The following JAM2 variants were observed in gnomAD, a reference collection of about 807,000 sequenced individuals.
JAM2 encodes the protein junctional adhesion molecule 2, also known as junctional adhesion molecule B.
In JAM2, 17 loss-of-function variants were observed where a neutral mutation model predicts 42.0. The observed-to-expected ratio is 0.40, with a 90% CI of 0.28 to 0.61. The LOEUF (loss-of-function observed/expected upper bound fraction) is 0.61, where lower values mean the gene tolerates loss of function less well. JAM2 is among the 20% of genes least tolerant of loss of function. The probability of loss-of-function intolerance (pLI) is 0.37; values close to 1 mark genes in which losing one functional copy is unlikely to be tolerated. For synonymous variants in JAM2, 118 were observed against 128.6 expected, an observed-to-expected ratio of 0.92 and a Z score of 0.56; for missense variants, 319 against 358.3, an observed-to-expected ratio of 0.89 and a Z score of 0.89.
At chr21:25,693,669 G>T in intron 3 of JAM2, 87 bp from the exon 4 acceptor site, 2 of 1,036,162 alleles carry the variant, frequency 1.9e-6, no homozygotes, top group South Asian at 1.6e-5. Flanking sequence ...TAAATGCTTT[G>T]GTTACTAAAT....
At chr21:25,698,644 A>C (rs776522886) in intron 4 of JAM2, 33 bp from the exon 5 acceptor site, 14 of 1,565,464 alleles carry the variant, frequency 8.9e-6, no homozygotes, top group South Asian at 2.3e-5. Flanking sequence ...TTAGCTTATA[A>C]ATAATCAATA....
intron 1 of JAM2, among the ~76,000 whole-genome samples, chr21:25,648,450 T>TTGTGTGTGTGTGTG (rs61479815): frequency 5.4e-5 from 8 of 148,384 alleles, no homozygotes; most frequent in East Asian, 2.0e-4. Flanking sequence ...TGCCGTGTGT[T>TTGTGTGTGTGTGTG]TGTGTGTGTG....
intron 9 of JAM2, chr21:25,714,133 C>T (rs987851098): frequency 5.2e-5 from 67 of 1,282,890 alleles, no homozygotes; most frequent in Non-Finnish European, 6.3e-5. Flanking sequence ...TACCTCTTTA[C>T]TCTCTAGGCA....
At chr21:25,680,460 T>C (rs76224425) in intron 1 of JAM2, among the ~76,000 whole-genome samples, 2,356 of 152,294 alleles carry the variant, frequency 0.015, 67 homozygotes, top group African/African-American at 0.053. Flanking sequence ...GGGTGCATCA[T>C]GGGCAGCACC....
intron 1 of JAM2, 36 bp downstream of exon 1, chr21:25,639,924 G>A (rs2032380851): frequency 1.4e-6 from 2 of 1,465,252 alleles, no homozygotes; most frequent in Non-Finnish European, 9.4e-7. Flanking sequence ...TTCCTGCCTG[G>A]ACCAGCCTGC....
At chr21:25,681,279 A>G (rs114352478) in intron 1 of JAM2, among the ~76,000 whole-genome samples, 3,279 of 152,316 alleles carry the variant, frequency 0.022, 120 homozygotes, top group African/African-American at 0.075. Flanking sequence ...TAATAAAGAC[A>G]TACCCGAGAC....
chr21:25,640,972 A>G (rs967069453), intron 1 of JAM2, among the ~76,000 whole-genome samples: 1 of 152,224 alleles, frequency 6.6e-6, no homozygotes, highest in African/African-American at 2.4e-5. Flanking sequence ...CTCGCTGCCC[A>G]AGTGATCATC....
At position 25,717,377 on chromosome 21, in the gene JAM2, A is replaced by G; in HGVS notation, c.*2705A>G. On this transcript the variant is annotated 3_prime_UTR_variant, in exon 10 of 10. Transcript: ENST00000480456. ...TGTGTTGTGTAAAGATTAGGGCTTT[A>G]AAATCTTATTAGCAAGCTTTGTTTT... 3.9e-6 allele frequency: 1 copy of G among 256,600 alleles called. No individual in the cohort carries two copies. Among genetic ancestry groups the G allele is most frequent in the Non-Finnish European group, 7.3e-6 (1 of 137,054 alleles). 15.9% of individuals were successfully genotyped at this position (256,600 alleles called of 1,614,324 possible).
chr21:25,673,314 A>G (rs1018602676), intron 1 of JAM2, among the ~76,000 whole-genome samples: 2 of 152,190 alleles, frequency 1.3e-5, no homozygotes, highest in African/African-American at 4.8e-5. Context: ...TGTGCAATGG[A>G]ATGCCCTGGA....
chr21:25,639,725 C>T lies in JAM2; in HGVS notation c.-97C>T, dbSNP rs1244990649. The T allele has an allele frequency of 4.0e-6, 3 of 744,102 alleles. No homozygotes were observed. Among genetic ancestry groups the T allele is most frequent in the Non-Finnish European group, 6.6e-6 (3 of 455,116 alleles). 46.1% of individuals were successfully genotyped at this position (744,102 alleles called of 1,614,324 possible). On this transcript the variant is annotated 5_prime_UTR_variant, in exon 1 of 10. Transcript: ENST00000480456. ...TTCCTCCCCTCCCGACTCTCTGCTC[C>T]TTTCCCGCCCCAGAAGTTCAAGGGC...
chr21:25,697,990 C>G (rs889493811), intron 4 of JAM2, among the ~76,000 whole-genome samples: 3 of 151,122 alleles, frequency 2.0e-5, no homozygotes, highest in Non-Finnish European at 4.4e-5. Flanking sequence ...CACATTCTCT[C>G]TCTCTCTCCC....
chr21:25,642,996 A>G (rs572749283), intron 1 of JAM2, among the ~76,000 whole-genome samples: 2 of 152,332 alleles, frequency 1.3e-5, no homozygotes, highest in South Asian at 4.1e-4. Context: ...GGAAGAAGCA[A>G]GGCAGCTCTG....
At chr21:25,704,190 C>G (rs897972276) in intron 6 of JAM2, among the ~76,000 whole-genome samples, 1 of 151,982 alleles carries the variant, frequency 6.6e-6, no homozygotes, top group Admixed American at 6.5e-5. Flanking sequence ...TTTGACTTTG[C>G]CTAAGATTAT....
chr21:25,665,552 T>G (rs2033196832), intron 1 of JAM2, among the ~76,000 whole-genome samples: 1 of 152,124 alleles, frequency 6.6e-6, no homozygotes. Context: ...TTTTAAGGAA[T>G]TGGTTCATGT....
intron 3 of JAM2, among the ~76,000 whole-genome samples, chr21:25,693,168 C>T (rs1348883215): frequency 1.3e-5 from 2 of 151,980 alleles, no homozygotes; most frequent in African/African-American, 4.8e-5. Flanking sequence ...TGAACATAGG[C>T]ATTACAACAC....
intron 1 of JAM2, among the ~76,000 whole-genome samples, chr21:25,655,507 G>T (rs2032910146): frequency 7.0e-6 from 1 of 143,858 alleles, no homozygotes. Context: ...TTGAGACGGA[G>T]TCTCACTCTG....
At chr21:25,700,356 T>A (rs937904893) in intron 5 of JAM2, among the ~76,000 whole-genome samples, 1 of 152,128 alleles carries the variant, frequency 6.6e-6, no homozygotes, top group African/African-American at 2.4e-5. Context: ...ATAACAATTT[T>A]AATAATTTTT....
intron 3 of JAM2, among the ~76,000 whole-genome samples, chr21:25,691,053 T>C (rs1303956150): frequency 6.6e-6 from 1 of 152,230 alleles, no homozygotes; most frequent in Non-Finnish European, 1.5e-5. Context: ...TACAATTCAC[T>C]TCACTTTCTA....
rs57623045 is a variant in JAM2 at position 25,655,924 on chromosome 21, T to C, written c.67+16036T>C. Reference sequence around the variant, plus strand: ...TATTTCCCACTAATAGTTTTTTTTTTTTAATGCCTTTTAAAAAAAGAGAAA... The same window carrying C: ...TATTTCCCACTAATAGTTTTTTTTTCTTAATGCCTTTTAAAAAAAGAGAAA... On this transcript the variant is annotated intron_variant, in intron 1 of 9. Coordinates refer to ENST00000480456, the MANE Select transcript of JAM2 (RefSeq NM_021219.4). Among the ~76,000 whole-genome samples the C allele has an allele frequency of 7.5e-3, 1,132 of 151,840 alleles. 20 individuals carry two copies. The highest frequency in any genetic ancestry group is 0.026 in the African/African-American group (1,063 of 41,344).
Sources: gnomAD v4.1 joint callset for allele counts (sites outside exome capture counted in the v4.1 genomes callset) on GRCh38, gnomAD v4.1.1 for gene constraint, MANE v1.5 for transcripts, NCBI Gene and HGNC (gene_info 2026-07-23, HGNC 2026-07-21) for gene names.